Variants in SIM2 observed in about 807,000 individuals in gnomAD.
SIM2 encodes the protein SIM bHLH transcription factor 2, also known as single-minded homolog 2.
SIM2 carries 28 observed loss-of-function variants against 64.8 expected under a neutral mutation model. The observed-to-expected ratio is 0.43, with a 90% confidence interval of 0.32 to 0.59. SIM2 has a LOEUF of 0.59. Ranked by LOEUF, SIM2 falls within the 20% of genes least tolerant of loss-of-function variation. The pLI, the probability that SIM2 is intolerant of heterozygous loss-of-function variation, is 0.07. For missense variants in SIM2, 847 were observed against 871.4 expected, an observed-to-expected ratio of 0.97 and a Z score of 0.35; for synonymous variants, 408 against 391.1, an observed-to-expected ratio of 1.04 and a Z score of -0.51.
chr21:36,746,072 T>A, intron 10 of SIM2: 4 of 956,726 alleles, frequency 4.2e-6, no homozygotes, highest in Non-Finnish European at 5.3e-6. Context: ...TCCCAGCACT[T>A]TGGGAGGCCA....
At chr21:36,727,719 G>C (rs1264519489) in intron 6 of SIM2, among the ~76,000 whole-genome samples, 1 of 152,158 alleles carries the variant, frequency 6.6e-6, no homozygotes, top group East Asian at 1.9e-4. Flanking sequence ...TTTGGCGGGG[G>C]GAGGAGAGAT....
chr21:36,749,660 G>A lies in SIM2; in HGVS notation c.*1568G>A, dbSNP rs2089308719. On this transcript the variant is annotated 3_prime_UTR_variant, in exon 11 of 11. Transcript: ENST00000290399. ...CTCATTCACAGCTCCTTGTGAGTGT[G>A]TGCACAGGAAATAAGCCGAGGGTAT... 6.6e-6 allele frequency: 1 copy of A among 152,260 alleles called. No individual in the cohort carries two copies. The highest frequency in any genetic ancestry group is 2.4e-5 in the African/African-American group (1 of 41,540). The allele number at this position is 152,260 out of a possible 1,614,324, so 9.4% of individuals were successfully genotyped here.
In SIM2 at chr21:36,745,626, C is replaced by T. The variant is rs143461092; in HGVS notation, c.1576+490C>T. 8.0e-6 allele frequency: 9 copies of T among 1,130,326 alleles called. No individual in the cohort carries two copies. The highest frequency in any genetic ancestry group is 7.7e-6 in the Non-Finnish European group (7 of 905,650). 70.0% of individuals were successfully genotyped at this position (1,130,326 alleles called of 1,614,324 possible). A position where few individuals can be genotyped will look rare whatever the true frequency, so the allele number is the denominator to read the frequency against. ...GGCTTGGGGACAGAAATGCCACTCA[C>T]CAACCCAGGGCAAAGAACACAAACC... On this transcript the variant is annotated intron_variant, in intron 10 of 10. Coordinates refer to ENST00000290399, the MANE Select transcript of SIM2 (RefSeq NM_005069.6). This position sits in a 1 kb window ranked among gnomAD's most constrained non-coding sequence, Gnocchi z 4.8.
In SIM2 at chr21:36,719,840, G is replaced by C. The variant is rs377259454; in HGVS notation, c.368G>C (p.Ser123Thr). The change falls in exon 4 of 11, where the codon AGT (serine) becomes ACT (threonine). Residue 123 changes from serine (S) to threonine (T), a missense_variant. Transcript: ENST00000290399. Reference protein sequence around the residue: ...GLSQVELTGNSIYEYIHPSDH... With the variant: ...GLSQVELTGNTIYEYIHPSDH... ...CGGCAGGTGGAGCTCACGGGCAACA[G>C]TATTTATGAATACATCCATCCTTCT... is the stretch of plus-strand genomic sequence containing the variant. The C allele has an allele frequency of 1.2e-6, 2 of 1,612,242 alleles. No individual in the cohort carries two copies. The highest frequency in any genetic ancestry group is 1.3e-5 in the African/African-American group (1 of 74,944).
At chr21:36,736,847 T>TTCTGTCTTTCCTCCCTCCCTCCCTTTC (rs1568938372) in intron 7 of SIM2, among the ~76,000 whole-genome samples, 1,032 of 25,378 alleles carry the variant, frequency 0.041, 29 homozygotes, top group African/African-American at 0.085. Flanking sequence ...TTCTCTTTCT[T>TTCTGTCTTTCCTCCCTCCCTCCCTTTC]TTCTTTCTTT....
At chr21:36,728,223 C>T (rs1224852676) in intron 6 of SIM2, among the ~76,000 whole-genome samples, 1 of 152,224 alleles carries the variant, frequency 6.6e-6, no homozygotes, top group South Asian at 2.1e-4. Flanking sequence ...TCAGAGACAT[C>T]TAGGAGGATC....
rs752421547 is a variant in SIM2 at position 36,701,478 on chromosome 21, G to C, written c.175+1557G>C. On this transcript the variant is annotated intron_variant, in intron 1 of 10. Transcript: ENST00000290399. ...GCTCCCCGGCCCAGGAGCCAGGCGC[G>C]GGCTGACCCGGGAGCACCCGGCAGC... The C allele has an allele frequency of 1.1e-4, 17 of 151,974 alleles. No homozygotes were observed. The East Asian group carries it at 1.8e-3, about 16-fold the overall frequency. 9.4% of individuals were successfully genotyped at this position (151,974 alleles called of 1,614,324 possible). A position where few individuals can be genotyped will look rare whatever the true frequency, so the allele number is the denominator to read the frequency against.
chr21:36,725,078 A>T (rs185807763), intron 5 of SIM2, among the ~76,000 whole-genome samples: 1 of 152,354 alleles, frequency 6.6e-6, no homozygotes, highest in African/African-American at 2.4e-5. Flanking sequence ...GGGCACAGTG[A>T]TTCATGCCTG....
At chr21:36,717,986 T>C (rs1339140621) in intron 3 of SIM2, among the ~76,000 whole-genome samples, 1 of 152,186 alleles carries the variant, frequency 6.6e-6, no homozygotes, top group Non-Finnish European at 1.5e-5. Context: ...GGGAGATCTG[T>C]TGAGAAAGTG....
At position 36,731,105 on chromosome 21, in the gene SIM2, C is replaced by G. The variant is rs150823127; in HGVS notation, c.804C>G (p.His268Gln). 1 of 1,614,046 alleles carries G rather than the reference C, an allele frequency of 6.2e-7. No individual in the cohort carries two copies. Among genetic ancestry groups the G allele is most frequent in the South Asian group, 1.1e-5 (1 of 91,076 alleles). Residue 268 changes from histidine (H) to glutamine (Q), a missense_variant, in exon 7 of 11, where the codon CAC becomes CAG. Physicochemically the swap from His to Gln is conservative, Grantham distance 24 (BLOSUM62 0). Coordinates refer to ENST00000290399, the MANE Select transcript of SIM2 (RefSeq NM_005069.6). The stretch of plus-strand genomic sequence containing the variant: ...TGATCGAGAAGACCCTATACCATCA[C>G]GTGCACGGCTGCGACGTGTTCCACC... ...QDLIEKTLYH[H>Q]VHGCDVFHLR... is the part of the protein sequence containing the mutation.
At chr21:36,729,676 C>T (rs2088939886) in intron 6 of SIM2, among the ~76,000 whole-genome samples, 1 of 152,154 alleles carries the variant, frequency 6.6e-6, no homozygotes, top group Non-Finnish European at 1.5e-5. Flanking sequence ...TGCACCATAG[C>T]CTCGCCTGCC....
chr21:36,703,183 A>C (rs1307057347), intron 1 of SIM2, among the ~76,000 whole-genome samples: 1 of 152,186 alleles, frequency 6.6e-6, no homozygotes, highest in Non-Finnish European at 1.5e-5. Context: ...GTTAAGACAG[A>C]AAGAGGAACT....
chr21:36,714,523 G>T (rs1486287802), intron 3 of SIM2, among the ~76,000 whole-genome samples: 1 of 152,138 alleles, frequency 6.6e-6, no homozygotes, highest in African/African-American at 2.4e-5. Flanking sequence ...GTGAGAAAGG[G>T]ATCAAAATGC....
chr21:36,745,036 T>C lies in SIM2; in HGVS notation c.1476T>C (p.His492=). 2 of 1,614,188 alleles carry C rather than the reference T, an allele frequency of 1.2e-6. No homozygotes were observed. Among genetic ancestry groups the C allele is most frequent in the Non-Finnish European group, 1.7e-6 (2 of 1,180,024 alleles). ...TLPASGECQW[H]YANPLVPSSS... ...CAGCCAGCGGTGAATGCCAGTGGCA[T>C]TATGCCAACCCCCTAGTGCCTAGCA... The change falls in exon 10 of 11, where the codon CAT becomes CAC. Residue 492 remains histidine (H), a synonymous_variant. Coordinates refer to ENST00000290399, the MANE Select transcript of SIM2 (RefSeq NM_005069.6). The surrounding 1 kb of genome is among the most constrained non-coding windows in gnomAD (Gnocchi z 4.8).
At chr21:36,744,299 T>A (rs1601061302) in intron 9 of SIM2, among the ~76,000 whole-genome samples, 1 of 95,642 alleles carries the variant, frequency 1.0e-5, no homozygotes. Context: ...CGTCACGGCC[T>A]CCACATTATG....
chr21:36,729,043 G>T (rs1033309038), intron 6 of SIM2, among the ~76,000 whole-genome samples: 1 of 152,178 alleles, frequency 6.6e-6, no homozygotes, highest in African/African-American at 2.4e-5. Context: ...GACACTAGAG[G>T]CTTGGAAAAA....
intron 7 of SIM2, 123 bp downstream of exon 7, chr21:36,731,274 T>G (rs1178915284): frequency 1.5e-6 from 1 of 673,422 alleles, no homozygotes; most frequent in Non-Finnish European, 2.5e-6. Flanking sequence ...CACTTGAATC[T>G]CAAGCCCCAA....
In SIM2 at chr21:36,726,104, C is replaced by T; in HGVS notation, c.544-15C>T. The T allele has an allele frequency of 1.2e-6, 2 of 1,609,872 alleles. No homozygotes were observed. Among genetic ancestry groups the T allele is most frequent in the Non-Finnish European group, 1.7e-6 (2 of 1,177,680 alleles). On this transcript the variant is annotated splice_polypyrimidine_tract_variant and intron_variant, in intron 5 of 10. Transcript: ENST00000290399. The surrounding 1 kb of genome is among the most constrained non-coding windows in gnomAD (Gnocchi z 4.5). ...CCCAGTGGCCAGTGGCTGACCCTGCCCTCTCCACTCCCAGGTCATCCACTG... is the reference window on the plus strand; with the variant it reads ...CCCAGTGGCCAGTGGCTGACCCTGCTCTCTCCACTCCCAGGTCATCCACTG...
Position 36,744,792 on chromosome 21 carries a change from C to T in SIM2, c.1232C>T (p.Pro411Leu), listed in dbSNP as rs2089207814. 1.2e-6 allele frequency: 2 copies of T among 1,613,722 alleles called. No homozygotes were observed. The highest frequency in any genetic ancestry group is 8.5e-7 in the Non-Finnish European group (1 of 1,179,820). Residue 411 changes from proline (P) to leucine (L), a missense_variant, in exon 10 of 11, where the codon CCC (proline) becomes CTC (leucine). By Grantham distance (98) the Pro-to-Leu change is moderately conservative. Around this residue, in one of 3 missense-constraint regions of SIM2, gnomAD observed 447 missense variants for 414.6 expected, o/e 1.08. Coordinates refer to ENST00000290399, the MANE Select transcript of SIM2 (RefSeq NM_005069.6). ...CGQLGNWRAS[P>L]PASAAAPPEL... ...CAGCTCGGAAACTGGAGAGCCAGTC[C>T]CCCTGCAAGCGCTGCTGCTCCTCCA...
Sources: gnomAD v4.1 joint callset for allele counts (sites outside exome capture counted in the v4.1 genomes callset) on GRCh38, gnomAD v4.1.1 for gene constraint, gnomAD v4.1.1 regional missense constraint, Gnocchi (gnomAD v3.1) non-coding constraint, MANE v1.5 for transcripts, NCBI Gene and HGNC (gene_info 2026-07-23, HGNC 2026-07-21) for gene names.